PHACTR1: variants seen among roughly 807,000 people sequenced by gnomAD.
PHACTR1 encodes the protein RPEL repeat containing 1.
PHACTR1 carries 16 observed loss-of-function variants against 69.2 expected under a neutral mutation model. The ratio of observed to expected loss-of-function variants is 0.23; its 90% confidence interval spans 0.16 to 0.35. PHACTR1 has a LOEUF of 0.35. Among genes scored for constraint, PHACTR1 ranks in the 10% least tolerant of loss-of-function variants. The probability of loss-of-function intolerance (pLI) is 1.00; values close to 1 mark genes in which losing one functional copy is unlikely to be tolerated. For missense variants in PHACTR1, 510 were observed against 734.7 expected (o/e 0.69, Z 3.54); for synonymous variants, 312 against 284.5 (o/e 1.10, Z -0.97).
chr6:13,083,800 C>G (rs1333763171), intron 5 of PHACTR1, among the ~76,000 whole-genome samples: 1 of 151,984 alleles, frequency 6.6e-6, no homozygotes, highest in Non-Finnish European at 1.5e-5. Context: ...GATTTTGTAT[C>G]CTGAGACTTT....
chr6:13,055,138 T>C (rs753780122), intron 5 of PHACTR1, among the ~76,000 whole-genome samples: 5 of 152,222 alleles, frequency 3.3e-5, no homozygotes, highest in Admixed American at 3.3e-4. Context: ...TTTCTGACTC[T>C]GTTTCTTAGA....
chr6:13,208,779 A>G (rs1174558860), intron 8 of PHACTR1, among the ~76,000 whole-genome samples: 1 of 152,194 alleles, frequency 6.6e-6, no homozygotes, highest in Non-Finnish European at 1.5e-5. Flanking sequence ...AAAAGGTTCA[A>G]TTAAAGATGC....
intron 4 of PHACTR1, among the ~76,000 whole-genome samples, chr6:12,864,374 C>T (rs1483018469): frequency 6.6e-6 from 1 of 152,156 alleles, no homozygotes; most frequent in Admixed American, 6.5e-5. Context: ...TGTTTGCGAA[C>T]TCCATGTAAT....
At chr6:13,105,551 A>T (rs1039907753) in intron 5 of PHACTR1, among the ~76,000 whole-genome samples, 1 of 152,138 alleles carries the variant, frequency 6.6e-6, no homozygotes, top group African/African-American at 2.4e-5. Flanking sequence ...AGTTAGTGCA[A>T]ACCCCACAAG....
intron 8 of PHACTR1, 108 bp from the exon 9 acceptor site, chr6:13,227,708 A>G (rs1770017837): frequency 1.4e-6 from 2 of 1,389,878 alleles, no homozygotes; most frequent in East Asian, 4.6e-5. Flanking sequence ...TGCCCAGTAG[A>G]CCCTTTGTCT....
chr6:12,973,715 A>G (rs1794505195), intron 4 of PHACTR1, among the ~76,000 whole-genome samples: 3 of 152,164 alleles, frequency 2.0e-5, no homozygotes, highest in Admixed American at 2.0e-4. Context: ...CAAGGCACCA[A>G]CAGAAGAGGA....
At chr6:12,778,714 A>C (rs1182602940) in intron 4 of PHACTR1, among the ~76,000 whole-genome samples, 1 of 152,222 alleles carries the variant, frequency 6.6e-6, no homozygotes, top group Non-Finnish European at 1.5e-5. Context: ...AGTACCTTGG[A>C]AGATAGTAAA....
At chr6:12,904,412 T>C (rs1785510268) in intron 4 of PHACTR1, among the ~76,000 whole-genome samples, 1 of 151,744 alleles carries the variant, frequency 6.6e-6, no homozygotes, top group African/African-American at 2.4e-5. Flanking sequence ...CAGGTGCCTG[T>C]AATCCCAGCT....
At chr6:13,156,682 T>G (rs1183705150) in intron 5 of PHACTR1, among the ~76,000 whole-genome samples, 1 of 152,238 alleles carries the variant, frequency 6.6e-6, no homozygotes, top group Non-Finnish European at 1.5e-5. Context: ...GTCTCTTGGA[T>G]GTGGCTAGCA....
chr6:12,847,299 A>G (rs1456873362), intron 4 of PHACTR1, among the ~76,000 whole-genome samples: 1 of 152,206 alleles, frequency 6.6e-6, no homozygotes, highest in Non-Finnish European at 1.5e-5. Context: ...ATAGGTAGGT[A>G]GGTAGATAGA....
chr6:12,956,684 C>T (rs1791937372), intron 4 of PHACTR1, among the ~76,000 whole-genome samples: 1 of 151,988 alleles, frequency 6.6e-6, no homozygotes, highest in African/African-American at 2.4e-5. Context: ...CTCAAGACCC[C>T]TCAACCCAAG....
At chr6:13,223,020 A>G (rs1229552841) in intron 8 of PHACTR1, among the ~76,000 whole-genome samples, 1 of 152,254 alleles carries the variant, frequency 6.6e-6, no homozygotes, top group Non-Finnish European at 1.5e-5. Context: ...TATTGAAAAT[A>G]TATGTATTAC....
intron 10 of PHACTR1, 70 bp from the exon 11 acceptor site, chr6:13,272,790 G>T (rs760222992): frequency 2.9e-5 from 46 of 1,613,848 alleles, no homozygotes; most frequent in Middle Eastern, 1.6e-4. Context: ...TATCTGCAAG[G>T]GCCGAGGAAA....
At chr6:12,967,395 G>A (rs1793628645) in intron 4 of PHACTR1, among the ~76,000 whole-genome samples, 1 of 152,188 alleles carries the variant, frequency 6.6e-6, no homozygotes, top group Non-Finnish European at 1.5e-5. Flanking sequence ...AAGTAAGCTT[G>A]AATCTTTGTA....
chr6:13,150,053 A>G (rs1223664358), intron 5 of PHACTR1, among the ~76,000 whole-genome samples: 3 of 152,162 alleles, frequency 2.0e-5, no homozygotes, highest in Non-Finnish European at 4.4e-5. Context: ...CCAAATATAA[A>G]AAGAATTTTC....
chr6:12,853,413 G>A (rs994947751), intron 4 of PHACTR1, among the ~76,000 whole-genome samples: 1 of 152,152 alleles, frequency 6.6e-6, no homozygotes, highest in African/African-American at 2.4e-5. Flanking sequence ...GGCATGTCAC[G>A]TCATGAGTCA....
At chr6:12,934,193 T>C (rs892631532) in intron 4 of PHACTR1, among the ~76,000 whole-genome samples, 1 of 152,188 alleles carries the variant, frequency 6.6e-6, no homozygotes, top group African/African-American at 2.4e-5. Context: ...CGTCATCCCA[T>C]GGCTGTCTCT....
intron 10 of PHACTR1, chr6:13,253,048 A>G: frequency 2.2e-6 from 1 of 455,120 alleles, no homozygotes; most frequent in Non-Finnish European, 4.4e-6. Flanking sequence ...GAAGGAAAAT[A>G]GCTGTGGCCC....
At chr6:13,040,713 A>G (rs959983804) in intron 4 of PHACTR1, among the ~76,000 whole-genome samples, 1 of 152,248 alleles carries the variant, frequency 6.6e-6, no homozygotes, top group African/African-American at 2.4e-5. Flanking sequence ...TAAGCAATCA[A>G]CACTCTAAAT....
Sources: allele counts gnomAD v4.1 joint callset (sites outside exome capture counted in the v4.1 genomes callset), GRCh38; gene constraint gnomAD v4.1.1; transcripts MANE v1.5; gene names NCBI Gene and HGNC (gene_info 2026-07-23, HGNC 2026-07-21).